LRRC4C: variants seen among roughly 807,000 people sequenced by gnomAD.
LRRC4C encodes the protein leucine rich repeat containing 4C.
A neutral mutation model predicts 33.6 loss-of-function variants in LRRC4C; 5 were observed. The ratio of observed to expected loss-of-function variants is 0.15; its 90% CI spans 0.08 to 0.31. The LOEUF (loss-of-function observed/expected upper bound fraction) is 0.31, where lower values mean the gene tolerates loss of function less well. Among genes scored for constraint, LRRC4C ranks in the 10% least tolerant of loss-of-function variants. LRRC4C has a pLI of 1.00. For missense variants in LRRC4C, 560 were observed against 796.7 expected (o/e 0.70, Z 3.58); for synonymous variants, 329 against 302.0 (o/e 1.09, Z -0.93).
At chr11:41,013,429 T>G (rs189404865) in intron 1 of LRRC4C, among the ~76,000 whole-genome samples, 92 of 152,328 alleles carry the variant, frequency 6.0e-4, no homozygotes, top group African/African-American at 2.2e-3. Flanking sequence ...TCCCAATTAT[T>G]AATGATAATA....
At chr11:40,964,979 T>C (rs899246273) in intron 1 of LRRC4C, among the ~76,000 whole-genome samples, 9 of 152,128 alleles carry the variant, frequency 5.9e-5, no homozygotes, top group African/African-American at 2.2e-4. Flanking sequence ...TAGTTTACAG[T>C]CCCACCAACA....
chr11:40,595,084 A>C (rs1194749968), intron 3 of LRRC4C, among the ~76,000 whole-genome samples: 1 of 152,062 alleles, frequency 6.6e-6, no homozygotes, highest in Non-Finnish European at 1.5e-5. Context: ...TGAGCCTTAC[A>C]CAATTTGATT....
At chr11:40,666,641 T>C (rs1943826981) in intron 2 of LRRC4C, among the ~76,000 whole-genome samples, 1 of 152,202 alleles carries the variant, frequency 6.6e-6, no homozygotes, top group African/African-American at 2.4e-5. Context: ...AATGCATTAA[T>C]ATTGTAATAT....
At chr11:40,199,892 T>C (rs991027498) in intron 5 of LRRC4C, among the ~76,000 whole-genome samples, 1 of 152,078 alleles carries the variant, frequency 6.6e-6, no homozygotes, top group Non-Finnish European at 1.5e-5. Context: ...AAAGTAGGTG[T>C]TATGTTCCAC....
intron 4 of LRRC4C, among the ~76,000 whole-genome samples, chr11:40,253,901 C>T (rs761386574): frequency 1.3e-5 from 2 of 152,148 alleles, no homozygotes; most frequent in African/African-American, 2.4e-5. Flanking sequence ...GTACTGCTTA[C>T]GTTATGAAGA....
intron 1 of LRRC4C, among the ~76,000 whole-genome samples, chr11:40,979,373 T>C (rs1294727385): frequency 6.6e-6 from 1 of 152,254 alleles, no homozygotes; most frequent in East Asian, 1.9e-4. Context: ...AATTAATGAC[T>C]TAATCTATAG....
At chr11:40,508,634 CTTA>C (rs1393588983) in intron 3 of LRRC4C, among the ~76,000 whole-genome samples, 4 of 152,084 alleles carry the variant, frequency 2.6e-5, no homozygotes, top group Non-Finnish European at 4.4e-5. Context: ...AATGGCAGGT[CTTA>C]TTAAAATATT....
chr11:41,218,261 G>C (rs1307203433), intron 1 of LRRC4C, among the ~76,000 whole-genome samples: 1 of 152,062 alleles, frequency 6.6e-6, no homozygotes, highest in Admixed American at 6.6e-5. Flanking sequence ...AACAATCCTT[G>C]TCAGTATGTT....
At chr11:40,784,808 T>G (rs140138886) in intron 2 of LRRC4C, among the ~76,000 whole-genome samples, 1 of 152,072 alleles carries the variant, frequency 6.6e-6, no homozygotes, top group South Asian at 2.1e-4. Flanking sequence ...TATGAAATAG[T>G]GTATAGTTTT....
intron 1 of LRRC4C, among the ~76,000 whole-genome samples, chr11:41,361,517 TC>T (rs1434932036): frequency 6.6e-6 from 1 of 152,222 alleles, no homozygotes; most frequent in African/African-American, 2.4e-5. Context: ...TTCTAAGCAT[TC>T]TATTTATTCA....
chr11:41,074,937 C>T (rs1938992675), intron 1 of LRRC4C, among the ~76,000 whole-genome samples: 1 of 151,322 alleles, frequency 6.6e-6, no homozygotes, highest in African/African-American at 2.4e-5. Context: ...AAATCCAAGT[C>T]TCGTCTTAAA....
chr11:40,911,738 A>T (rs1401951596), intron 2 of LRRC4C, among the ~76,000 whole-genome samples: 1 of 152,196 alleles, frequency 6.6e-6, no homozygotes, highest in Non-Finnish European at 1.5e-5. Flanking sequence ...TCAGACGATC[A>T]AACTACTCTG....
intron 1 of LRRC4C, among the ~76,000 whole-genome samples, chr11:41,370,361 C>T (rs1952699891): frequency 1.3e-5 from 2 of 152,024 alleles, no homozygotes; most frequent in South Asian, 2.1e-4. Flanking sequence ...AGGTTTGGCC[C>T]TCTGTCCCTA....
chr11:40,191,346 C>T (rs1050702396), intron 5 of LRRC4C, among the ~76,000 whole-genome samples: 1 of 152,180 alleles, frequency 6.6e-6, no homozygotes, highest in Non-Finnish European at 1.5e-5. Flanking sequence ...GATGTTTCAC[C>T]TTCTCCAGTC....
chr11:40,920,882 A>G (rs1957143338), intron 2 of LRRC4C, among the ~76,000 whole-genome samples: 1 of 151,916 alleles, frequency 6.6e-6, no homozygotes, highest in Non-Finnish European at 1.5e-5. Context: ...TTAAAATGGG[A>G]AGATTATCCT....
At chr11:40,641,288 A>G (rs533789351) in intron 3 of LRRC4C, among the ~76,000 whole-genome samples, 1 of 152,256 alleles carries the variant, frequency 6.6e-6, no homozygotes, top group East Asian at 1.9e-4. Context: ...TATAAAATGA[A>G]GTGTACAAGA....
intron 2 of LRRC4C, among the ~76,000 whole-genome samples, chr11:40,906,370 G>A (rs931061642): frequency 3.9e-5 from 6 of 152,090 alleles, no homozygotes. Flanking sequence ...AATTAGTTGG[G>A]CATGGTGCCA....
chr11:41,152,434 T>C (rs1944040593), intron 1 of LRRC4C, among the ~76,000 whole-genome samples: 1 of 152,162 alleles, frequency 6.6e-6, no homozygotes, highest in East Asian at 1.9e-4. Context: ...TTCTCTGAAG[T>C]CCCTGATAGC....
chr11:41,367,362 C>T (rs1373422125), intron 1 of LRRC4C, among the ~76,000 whole-genome samples: 1 of 152,066 alleles, frequency 6.6e-6, no homozygotes, highest in Non-Finnish European at 1.5e-5. Flanking sequence ...CTTCTAACAC[C>T]TACTATGTTA....
Sources: allele counts gnomAD v4.1 joint callset (sites outside exome capture counted in the v4.1 genomes callset), GRCh38; gene constraint gnomAD v4.1.1; transcripts MANE v1.5; gene names NCBI Gene and HGNC (gene_info 2026-07-23, HGNC 2026-07-21).